ST6GAL1: variants seen among roughly 807,000 people sequenced by gnomAD.
The protein encoded by ST6GAL1 is beta-galactoside alpha-2,6-sialyltransferase 1.
A neutral mutation model predicts 38.0 loss-of-function variants in ST6GAL1; 20 were observed. The ratio of observed to expected loss-of-function variants is 0.53; its 90% CI spans 0.37 to 0.77. The LOEUF (loss-of-function observed/expected upper bound fraction) is 0.77, where lower values mean the gene tolerates loss of function less well. Among genes scored for constraint, ST6GAL1 ranks in the 30% least tolerant of loss-of-function variants. ST6GAL1 has a pLI of 0.00. For missense variants in ST6GAL1, 432 were observed against 496.4 expected (o/e 0.87, Z 1.23); for synonymous variants, 196 against 188.2 (o/e 1.04, Z -0.34).
chr3:186,934,617 G>A (rs947239625), intron 1 of ST6GAL1, among the ~76,000 whole-genome samples: 17 of 152,070 alleles, frequency 1.1e-4, no homozygotes, highest in Non-Finnish European at 1.5e-4. Flanking sequence ...CTGCCTCTGC[G>A]TTGTGTAAAG....
chr3:186,995,863 T>C (rs1716387403), intron 2 of ST6GAL1, among the ~76,000 whole-genome samples: 1 of 152,058 alleles, frequency 6.6e-6, no homozygotes, highest in Non-Finnish European at 1.5e-5. Context: ...AAAAGATTGT[T>C]TAATAAATGC....
intron 5 of ST6GAL1, among the ~76,000 whole-genome samples, chr3:187,057,110 T>G (rs374118997): frequency 1.3e-5 from 2 of 152,234 alleles, no homozygotes; most frequent in East Asian, 3.8e-4. Flanking sequence ...TTGAAGCTTG[T>G]GCATGCATCT....
At chr3:187,070,122 C>T (rs967008577) in intron 5 of ST6GAL1, among the ~76,000 whole-genome samples, 14 of 152,270 alleles carry the variant, frequency 9.2e-5, no homozygotes, top group Admixed American at 8.5e-4. Context: ...TTCCTGGAAG[C>T]CACACTTGCT....
rs1002369529 is a variant in ST6GAL1, at chr3:187,013,847, C to T, written c.-182-24895C>T. ...TGATCCTCCCACCTTGGCCTCCCAA[C>T]GTGCTGGGATTACAGGCATGAGCCA... is the stretch of plus-strand genomic sequence containing the variant. On this transcript the variant is annotated intron_variant, in intron 2 of 7. Transcript: ENST00000169298. Among the ~76,000 whole-genome samples the T allele has an allele frequency of 7.2e-5, 11 of 152,218 alleles. No homozygotes were observed. In the East Asian group the frequency reaches 1.4e-3, roughly 19 times the overall value.
At chr3:187,056,160 T>A in intron 5 of ST6GAL1, among the ~76,000 whole-genome samples, 1 of 152,000 alleles carries the variant, frequency 6.6e-6, no homozygotes, top group Non-Finnish European at 1.5e-5. Flanking sequence ...ATTTGCTTGG[T>A]AGATCTTCCT....
intron 1 of ST6GAL1, among the ~76,000 whole-genome samples, chr3:186,940,178 C>T (rs987767064): frequency 3.9e-5 from 6 of 152,164 alleles, no homozygotes; most frequent in African/African-American, 1.4e-4. Flanking sequence ...GGTATGCCAC[C>T]TCAGAGAATC....
chr3:187,048,016 C>T lies in ST6GAL1; in HGVS notation c.608-3233C>T, dbSNP rs149539648. ...GGAGTGCAGTGGCGTGATCTTGGCT[C>T]ACTGCAAGCTCCACCTCCTGGGTTC... On this transcript the variant is annotated intron_variant, in intron 4 of 7. Coordinates refer to ENST00000169298, the MANE Select transcript of ST6GAL1 (RefSeq NM_173216.2). Among the ~76,000 whole-genome samples the T allele has an allele frequency of 2.7e-3, 408 of 150,960 alleles. 8 individuals carry two copies. In the East Asian group the frequency reaches 0.06, roughly 22 times the overall value.
chr3:187,040,347 T>C (rs1253030240), intron 3 of ST6GAL1, among the ~76,000 whole-genome samples: 3 of 152,188 alleles, frequency 2.0e-5, no homozygotes, highest in Admixed American at 6.5e-5. Context: ...ACAGACGAAG[T>C]TGCCTCTCTA....
At chr3:186,992,739 T>C (rs866247294) in intron 2 of ST6GAL1, among the ~76,000 whole-genome samples, 20 of 152,096 alleles carry the variant, frequency 1.3e-4, no homozygotes, top group African/African-American at 4.6e-4. Flanking sequence ...GAGGTTGCAG[T>C]GAGCTGAGAT....
At chr3:186,994,332 T>G (rs2108547893) in intron 2 of ST6GAL1, among the ~76,000 whole-genome samples, 1 of 152,346 alleles carries the variant, frequency 6.6e-6, no homozygotes, top group Admixed American at 6.5e-5. Context: ...ATTTAAATGT[T>G]TGTCTTTTTA....
chr3:187,030,520 G>A (rs1029713427), intron 2 of ST6GAL1, among the ~76,000 whole-genome samples: 5 of 152,088 alleles, frequency 3.3e-5, no homozygotes, highest in East Asian at 3.8e-4. Flanking sequence ...TTCAACCTCC[G>A]CCTCCCGGAT....
At chr3:187,020,281 C>G (rs563376907) in intron 2 of ST6GAL1, among the ~76,000 whole-genome samples, 3 of 149,628 alleles carry the variant, frequency 2.0e-5, no homozygotes, top group East Asian at 4.0e-4. Flanking sequence ...GGTAACAGAG[C>G]GAGACTCTGT....
rs566846418 is a variant in ST6GAL1, at chr3:186,934,915, C to T, written c.-325+4081C>T. Reference sequence around the variant, plus strand: ...CCGAGTAGCTGGGACTACAGGTGCCCGCCACCACGCCCGGCTAATTTTTGT... The same window carrying T: ...CCGAGTAGCTGGGACTACAGGTGCCTGCCACCACGCCCGGCTAATTTTTGT... On this transcript the variant is annotated intron_variant, in intron 1 of 7. Transcript: ENST00000169298. Among the ~76,000 whole-genome samples, 10 of 151,990 alleles carry T rather than the reference C, an allele frequency of 6.6e-5. No individual in the cohort carries two copies. The South Asian group carries it at 1.7e-3, about 25-fold the overall frequency.
chr3:187,066,629 T>TGTGTG (rs1258115575), intron 5 of ST6GAL1, among the ~76,000 whole-genome samples: 1 of 151,378 alleles, frequency 6.6e-6, no homozygotes, highest in Non-Finnish European at 1.5e-5. Flanking sequence ...TGTGTGTGTG[T>TGTGTG]GTTTCTATTC....
intron 1 of ST6GAL1, among the ~76,000 whole-genome samples, chr3:186,956,350 C>G (rs6444187): frequency 0.48 from 73,365 of 151,966 alleles, 18,306 homozygotes; most frequent in Middle Eastern, 0.56. Context: ...TAAATCTATG[C>G]CTGTAAAATG....
intron 2 of ST6GAL1, among the ~76,000 whole-genome samples, chr3:187,014,684 G>A (rs1442170982): frequency 6.6e-6 from 1 of 152,200 alleles, no homozygotes; most frequent in Non-Finnish European, 1.5e-5. Flanking sequence ...ATACATTCCT[G>A]GGCAAGACAT....
chr3:186,975,499 T>C (rs1264337485), intron 2 of ST6GAL1, among the ~76,000 whole-genome samples: 6 of 152,188 alleles, frequency 3.9e-5, no homozygotes, highest in African/African-American at 2.4e-5. Context: ...GGAGTGATTC[T>C]TCTCTGTCCC....
intron 2 of ST6GAL1, among the ~76,000 whole-genome samples, chr3:187,036,873 C>G (rs868379581): frequency 1.3e-5 from 2 of 152,138 alleles, no homozygotes; most frequent in South Asian, 2.1e-4. Flanking sequence ...ATACATACCC[C>G]CTGAATCTAA....
chr3:187,075,800 C>T lies in ST6GAL1; in HGVS notation c.1218C>T (p.Cys406=). ...TGCCTGGCTTCCGGACCATTCACTG[C>T]TAAGCACAGGCTCCTCACTCTTCTC... ...ATLPGFRTIH[C] is the part of the protein sequence containing the mutation. The change falls in exon 8 of 8, where the codon TGC becomes TGT. Residue 406 remains cysteine (C), a synonymous_variant. Transcript: ENST00000169298. The surrounding 1 kb of genome is among the most constrained non-coding windows in gnomAD (Gnocchi z 4.1). The T allele has an allele frequency of 6.2e-7, 1 of 1,614,148 alleles. No individual in the cohort carries two copies. The highest frequency in any genetic ancestry group is 8.5e-7 in the Non-Finnish European group (1 of 1,179,988).
Sources: allele counts gnomAD v4.1 joint callset (sites outside exome capture counted in the v4.1 genomes callset), GRCh38; gene constraint gnomAD v4.1.1; non-coding constraint Gnocchi (gnomAD v3.1); transcripts MANE v1.5; gene names NCBI Gene and HGNC (gene_info 2026-07-23, HGNC 2026-07-21).